SLC38A8: variants seen among roughly 807,000 people sequenced by gnomAD.
SLC38A8 encodes solute carrier family 38 member 8, also known as amino acid transporter SLC38A8.
A neutral mutation model predicts 46.0 loss-of-function variants in SLC38A8; 65 were observed. That is an observed-to-expected ratio of 1.41 (90% CI 1.16 to 1.74). The LOEUF is 1.74. Ranked by LOEUF, SLC38A8 falls within the 40% of genes most tolerant of loss-of-function variation. The pLI, the probability that SLC38A8 is intolerant of heterozygous loss-of-function variation, is 0.00. For missense variants in SLC38A8, 998 were observed against 567.9 expected, an observed-to-expected ratio of 1.76 and a Z score of -7.70; for synonymous variants, 447 against 243.7, an observed-to-expected ratio of 1.83 and a Z score of -7.77.
In SLC38A8 at chr16:84,036,806, AG is replaced by A; in HGVS notation, c.283del (p.Leu95CysfsTer20). 1 of 1,614,102 alleles carries A rather than the reference AG, an allele frequency of 6.2e-7. No homozygotes were observed. Among genetic ancestry groups the A allele is most frequent in the Non-Finnish European group, 8.5e-7 (1 of 1,180,016 alleles). ...QATYQGVVRG[L>X]CGPAIGKLCE... Reference sequence around the variant, plus strand: ...CAGCTTCCCAATGGCAGGGCCACACAGCCCCCTGACCACACCCTGGTAGGTG... The same window carrying A: ...CAGCTTCCCAATGGCAGGGCCACACACCCCCTGACCACACCCTGGTAGGTG... On this transcript the variant is annotated frameshift_variant, in exon 3 of 11. Transcript: ENST00000299709. LOFTEE classifies it high-confidence loss of function.
intron 7 of SLC38A8, among the ~76,000 whole-genome samples, chr16:84,021,617 G>C (rs1226253811): frequency 6.6e-6 from 1 of 152,106 alleles, no homozygotes; most frequent in Admixed American, 6.6e-5. Context: ...GCTTATTCTA[G>C]CCTGCTCCTC....
intron 10 of SLC38A8, among the ~76,000 whole-genome samples, chr16:84,012,654 T>C (rs963565044): frequency 2.0e-5 from 3 of 152,212 alleles, no homozygotes; most frequent in African/African-American, 7.2e-5. Context: ...GGGGCCTTTC[T>C]AACCCAGCCT....
chr16:84,029,579 T>C (rs774336712), intron 5 of SLC38A8, 28 bp from the exon 6 acceptor site: 5 of 1,612,428 alleles, frequency 3.1e-6, no homozygotes, highest in South Asian at 1.1e-5. Context: ...CAGGAGTTTA[T>C]TAAAGAAGGG....
intron 7 of SLC38A8, 117 bp downstream of exon 7, chr16:84,022,658 C>T: frequency 6.5e-6 from 5 of 763,934 alleles, no homozygotes; most frequent in Non-Finnish European, 1.1e-5. Context: ...ATAAGATGCT[C>T]AAAACATTGA....
chr16:84,018,373 C>T (rs1290961002), intron 7 of SLC38A8, among the ~76,000 whole-genome samples: 2 of 151,806 alleles, frequency 1.3e-5, no homozygotes, highest in African/African-American at 2.4e-5. Context: ...GCTGGGACTA[C>T]AGACGCCCGC....
chr16:84,029,562 A>G lies in SLC38A8; in HGVS notation c.633-11T>C. ...GTCCAGGAGGCAGGGCTGTAAACAG[A>G]CAAGAACAGGAGTTTATTAAAGAAG... is the stretch of plus-strand genomic sequence containing the variant. On this transcript the variant is annotated splice_polypyrimidine_tract_variant and intron_variant, in intron 5 of 10. Transcript: ENST00000299709. 1 of 1,613,952 alleles carries G rather than the reference A, an allele frequency of 6.2e-7. No homozygotes were observed. Among genetic ancestry groups the G allele is most frequent in the Non-Finnish European group, 8.5e-7 (1 of 1,179,872 alleles).
chr16:84,021,639 AG>A (rs2085097531), intron 7 of SLC38A8, among the ~76,000 whole-genome samples: 1 of 152,222 alleles, frequency 6.6e-6, no homozygotes, highest in Non-Finnish European at 1.5e-5. Flanking sequence ...GAATTCTTCC[AG>A]CCTGCACTCA....
rs556522620 is a variant in SLC38A8 at position 84,019,559 on chromosome 16, G to A, written c.806-2272C>T. Reference sequence around the variant, plus strand: ...TTTAATTTCAACAAGAGTTTTGGAGGGGACAATCAATCAAACCACAGCATT... The same window carrying A: ...TTTAATTTCAACAAGAGTTTTGGAGAGGACAATCAATCAAACCACAGCATT... On this transcript the variant is annotated intron_variant, in intron 7 of 10. Coordinates refer to ENST00000299709, the MANE Select transcript of SLC38A8 (RefSeq NM_001080442.3). Among the ~76,000 whole-genome samples, 3 of 152,182 alleles carry A rather than the reference G, an allele frequency of 2.0e-5. No individual in the cohort carries two copies. The South Asian group carries it at 6.2e-4, about 32-fold the overall frequency.
At chr16:84,034,372 C>T (rs1435320948) in intron 3 of SLC38A8, among the ~76,000 whole-genome samples, 1 of 152,188 alleles carries the variant, frequency 6.6e-6, no homozygotes, top group Non-Finnish European at 1.5e-5. Context: ...AATGTGGGGC[C>T]ATTTTTATTC....
intron 2 of SLC38A8, 140 bp downstream of exon 2, chr16:84,041,829 G>A: frequency 1.3e-6 from 1 of 761,976 alleles, no homozygotes; most frequent in Non-Finnish European, 2.1e-6. Flanking sequence ...CCCCTCATTA[G>A]CTGAGCGGGA....
intron 9 of SLC38A8, among the ~76,000 whole-genome samples, chr16:84,014,092 G>T (rs2084993537): frequency 6.6e-6 from 1 of 151,942 alleles, no homozygotes; most frequent in Non-Finnish European, 1.5e-5. Context: ...GCTGAGGGAG[G>T]AGATGCATGG....
chr16:84,023,966 C>T (rs7184659), intron 6 of SLC38A8, among the ~76,000 whole-genome samples: 1 of 152,026 alleles, frequency 6.6e-6, no homozygotes, highest in Non-Finnish European at 1.5e-5. Flanking sequence ...AAGATAAACA[C>T]TTCTACACCA....
intron 3 of SLC38A8, among the ~76,000 whole-genome samples, chr16:84,036,006 A>C (rs543962451): frequency 6.6e-6 from 1 of 152,220 alleles, no homozygotes; most frequent in African/African-American, 2.4e-5. Flanking sequence ...AAGAGCACAC[A>C]AAGTGTTCTC....
At chr16:84,016,850 G>C (rs1398016566) in intron 8 of SLC38A8, 123 bp from the exon 9 acceptor site, 1 of 1,175,742 alleles carries the variant, frequency 8.5e-7, no homozygotes, top group African/African-American at 1.5e-5. Flanking sequence ...CCACACTCAG[G>C]TGTTTATTCC....
intron 7 of SLC38A8, among the ~76,000 whole-genome samples, chr16:84,019,658 C>T (rs1201578685): frequency 2.0e-5 from 3 of 152,202 alleles, no homozygotes; most frequent in African/African-American, 7.2e-5. Flanking sequence ...CCCATGACCC[C>T]AAAGTCTTCA....
chr16:84,041,998 C>T lies in SLC38A8; in HGVS notation c.160G>A (p.Gly54Arg), dbSNP rs777138837. 4.4e-6 allele frequency: 7 copies of T among 1,609,190 alleles called. No individual in the cohort carries two copies. The highest frequency in any genetic ancestry group is 2.7e-5 in the African/African-American group (2 of 74,792). Residue 54 changes from glycine (G) to arginine (R), a missense_variant, in exon 2 of 11, where the codon GGA becomes AGA. Physicochemically the swap from Gly to Arg is moderately radical, Grantham distance 125 (BLOSUM62 -2). Coordinates refer to ENST00000299709, the MANE Select transcript of SLC38A8 (RefSeq NM_001080442.3). ...NFPWAFSKAG[G>R]VVPAFLVELV... Reference sequence around the variant, plus strand: ...TCCACCAGGAAGGCAGGGACCACTCCGCCCGCTTTGGAGAAGGCCCAGGGG... The same window carrying T: ...TCCACCAGGAAGGCAGGGACCACTCTGCCCGCTTTGGAGAAGGCCCAGGGG...
At chr16:84,015,763 T>G (rs1427884302) in intron 9 of SLC38A8, among the ~76,000 whole-genome samples, 1 of 152,170 alleles carries the variant, frequency 6.6e-6, no homozygotes, top group African/African-American at 2.4e-5. Context: ...TAGAGTGCAG[T>G]GGCGCAATCT....
At chr16:84,040,446 C>A (rs1177965528) in intron 2 of SLC38A8, among the ~76,000 whole-genome samples, 2 of 152,228 alleles carry the variant, frequency 1.3e-5, no homozygotes, top group Admixed American at 6.5e-5. Context: ...CCCTGCAGGG[C>A]CAGCATCTGC....
intron 9 of SLC38A8, among the ~76,000 whole-genome samples, chr16:84,015,017 G>A (rs544529363): frequency 6.6e-6 from 1 of 152,072 alleles, no homozygotes; most frequent in African/African-American, 2.4e-5. Flanking sequence ...TTCACCAATG[G>A]GCATCTACTT....
Sources: allele counts gnomAD v4.1 joint callset (sites outside exome capture counted in the v4.1 genomes callset), GRCh38; gene constraint gnomAD v4.1.1; transcripts MANE v1.5; gene names NCBI Gene and HGNC (gene_info 2026-07-23, HGNC 2026-07-21).